ACTR10: variants seen among roughly 807,000 people sequenced by gnomAD.
ACTR10 encodes actin related protein 10, also known as actin-related protein 10.
A neutral mutation model predicts 56.2 loss-of-function variants in ACTR10; 43 were observed. That is an observed-to-expected ratio of 0.77 (90% CI 0.60 to 0.99). The LOEUF (loss-of-function observed/expected upper bound fraction) is 0.99, where lower values mean the gene tolerates loss of function less well. Among genes scored for constraint, ACTR10 ranks in the 50% least tolerant of loss-of-function variants. ACTR10 has a pLI of 0.00. For missense variants in ACTR10, 466 were observed against 507.8 expected (o/e 0.92, Z 0.79); for synonymous variants, 170 against 176.3 (o/e 0.96, Z 0.28).
chr14:58,233,647 G>C (rs1420817943), intron 12 of ACTR10, among the ~76,000 whole-genome samples: 1 of 152,118 alleles, frequency 6.6e-6, no homozygotes, highest in African/African-American at 2.4e-5. Flanking sequence ...CTGCTTGGGG[G>C]TCCACACCCC....
intron 5 of ACTR10, among the ~76,000 whole-genome samples, chr14:58,212,307 A>C (rs779379997): frequency 6.6e-6 from 1 of 152,366 alleles, no homozygotes; most frequent in South Asian, 2.1e-4. Context: ...CTAATAATTC[A>C]AGCTGTCCCA....
intron 7 of ACTR10, among the ~76,000 whole-genome samples, chr14:58,215,959 A>G (rs897586776): frequency 4.9e-5 from 7 of 143,510 alleles, no homozygotes; most frequent in Non-Finnish European, 1.1e-4. Flanking sequence ...TTCAGATCTC[A>G]TTTTTCTTTC....
At chr14:58,215,102 TC>T (rs755671938) in intron 6 of ACTR10, 102 bp from the exon 7 acceptor site, 2 of 708,608 alleles carry the variant, frequency 2.8e-6, no homozygotes, top group Non-Finnish European at 4.4e-6. Flanking sequence ...TAAGACTGTC[TC>T]CAAAAAAAAA....
chr14:58,214,442 T>G (rs1889080712), intron 6 of ACTR10, among the ~76,000 whole-genome samples: 1 of 151,812 alleles, frequency 6.6e-6, no homozygotes, highest in Non-Finnish European at 1.5e-5. Flanking sequence ...GAGATACAAG[T>G]GCAGGTTTAT....
At chr14:58,203,105 C>T (rs2051745686) in intron 2 of ACTR10, among the ~76,000 whole-genome samples, 178 bp downstream of exon 2, 1 of 151,948 alleles carries the variant, frequency 6.6e-6, no homozygotes, top group African/African-American at 2.4e-5. Flanking sequence ...AGTTTGAGAC[C>T]AGCCTGGACA....
rs778534247 is a variant in ACTR10 at position 58,211,377 on chromosome 14, A to T, written c.428A>T (p.Tyr143Phe). Residue 143 changes from tyrosine (Y) to phenylalanine (F), a missense_variant, in exon 5 of 13, where the codon TAT becomes TTT. Tyr to Phe is a conservative substitution (Grantham distance 22). Transcript: ENST00000254286. Reference sequence around the variant, plus strand: ...TCTGCCATGGTCCTAGATTGTGGATATAGGGAAAGCCTGGTGTTACCCATA... The same window carrying T: ...TCTGCCATGGTCCTAGATTGTGGATTTAGGGAAAGCCTGGTGTTACCCATA... ...INSAMVLDCG[Y>F]RESLVLPIYE... 4.3e-6 allele frequency: 7 copies of T among 1,613,528 alleles called. No individual in the cohort carries two copies. Among genetic ancestry groups the T allele is most frequent in the Non-Finnish European group, 5.9e-6 (7 of 1,179,566 alleles).
At chr14:58,223,210 C>G (rs1594811884) in intron 8 of ACTR10, among the ~76,000 whole-genome samples, 1 of 152,080 alleles carries the variant, frequency 6.6e-6, no homozygotes, top group African/African-American at 2.4e-5. Flanking sequence ...GATCTCGGCT[C>G]ACTGCAACCT....
intron 5 of ACTR10, among the ~76,000 whole-genome samples, chr14:58,212,623 C>G (rs556143343): frequency 6.6e-6 from 1 of 152,290 alleles, no homozygotes; most frequent in East Asian, 1.9e-4. Context: ...TATTATTATT[C>G]TCCTTATATA....
At chr14:58,222,926 T>G (rs897780998) in intron 8 of ACTR10, among the ~76,000 whole-genome samples, 2 of 152,152 alleles carry the variant, frequency 1.3e-5, no homozygotes, top group African/African-American at 2.4e-5. Flanking sequence ...AAATCTGGTT[T>G]AAAGAAATAT....
chr14:58,230,587 T>C, intron 11 of ACTR10, 107 bp downstream of exon 11: 1 of 468,940 alleles, frequency 2.1e-6, no homozygotes, highest in East Asian at 3.5e-5. Context: ...TTATTTTTAA[T>C]ATGTGTCAAC....
chr14:58,202,002 CAA>C (rs11460483), intron 1 of ACTR10, among the ~76,000 whole-genome samples: 30 of 99,060 alleles, frequency 3.0e-4, no homozygotes, highest in African/African-American at 5.6e-4. Context: ...GACCCTGCCT[CAA>C]AAAAAAAAAA....
rs914733974 is a variant in ACTR10, at chr14:58,232,415, T to C, written c.1072+148T>C. ...AACACTGACTTTTTCTTTTTTTTTT[T>C]TTTTTTTTTTTTTTTTGAGACGGAG... On this transcript the variant is annotated intron_variant, in intron 12 of 12. Transcript: ENST00000254286. 2.0e-5 allele frequency: 11 copies of C among 555,234 alleles called. No individual in the cohort carries two copies. In the South Asian group the frequency reaches 2.5e-4, roughly 13 times the overall value. The allele number at this position is 555,234 out of a possible 1,614,324, so 34.4% of individuals were successfully genotyped here.
At chr14:58,204,259 T>C (rs1283500570) in intron 2 of ACTR10, among the ~76,000 whole-genome samples, 1 of 149,818 alleles carries the variant, frequency 6.7e-6, no homozygotes, top group Non-Finnish European at 1.5e-5. Flanking sequence ...TGGCAGGCAC[T>C]GGTATTCCCA....
intron 2 of ACTR10, among the ~76,000 whole-genome samples, chr14:58,206,561 T>C (rs1218792574): frequency 6.6e-6 from 1 of 152,214 alleles, no homozygotes; most frequent in Non-Finnish European, 1.5e-5. Context: ...GAATCTTCTT[T>C]AAGCCACATA....
intron 10 of ACTR10, among the ~76,000 whole-genome samples, chr14:58,227,595 CTT>C (rs1889433949): frequency 6.6e-6 from 1 of 152,268 alleles, no homozygotes; most frequent in African/African-American, 2.4e-5. Flanking sequence ...AAGAGTGACT[CTT>C]TGTAAGCATG....
At position 58,200,185 on chromosome 14, in the gene ACTR10, T is replaced by G; in HGVS notation, c.-33T>G. 6.7e-7 allele frequency: 1 copy of G among 1,488,204 alleles called. No homozygotes were observed. Among genetic ancestry groups the G allele is most frequent in the Non-Finnish European group, 9.0e-7 (1 of 1,113,496 alleles). The allele number at this position is 1,488,204 out of a possible 1,614,324, so 92.2% of individuals were successfully genotyped here. On this transcript the variant is annotated 5_prime_UTR_variant, in exon 1 of 13. Coordinates refer to ENST00000254286, the MANE Select transcript of ACTR10 (RefSeq NM_018477.3). ...GCCGAGACTTGTTGGCCGCGGAGAC[T>G]GCGACCCTCTTCTCTCAGTCTGCCT...
chr14:58,208,086 G>A, intron 3 of ACTR10, 68 bp downstream of exon 3: 1 of 1,373,736 alleles, frequency 7.3e-7, no homozygotes, highest in East Asian at 3.4e-5. Context: ...GTGATAATTG[G>A]TTGTGTTACA....
rs193036176 is a variant in ACTR10, at chr14:58,214,149, C to T, written c.518+451C>T. Among the ~76,000 whole-genome samples the T allele has an allele frequency of 5.3e-4, 80 of 152,238 alleles. 1 individual carries two copies. The highest frequency in any genetic ancestry group is 1.1e-3 in the Admixed American group (17 of 15,292). ...TTTTGTACCCATTAATTATCCTCACCTCCCTTGTATCCCTCCACTATCCTC... is the reference window on the plus strand; with the variant it reads ...TTTTGTACCCATTAATTATCCTCACTTCCCTTGTATCCCTCCACTATCCTC... On this transcript the variant is annotated intron_variant, in intron 6 of 12. Coordinates refer to ENST00000254286, the MANE Select transcript of ACTR10 (RefSeq NM_018477.3).
intron 8 of ACTR10, among the ~76,000 whole-genome samples, chr14:58,222,619 G>A (rs1046747147): frequency 6.6e-6 from 1 of 151,994 alleles, no homozygotes; most frequent in African/African-American, 2.4e-5. Context: ...ACAAAAATTA[G>A]CTGGGCATGG....
Sources: gnomAD v4.1 joint callset for allele counts (sites outside exome capture counted in the v4.1 genomes callset) on GRCh38, gnomAD v4.1.1 for gene constraint, MANE v1.5 for transcripts, NCBI Gene and HGNC (gene_info 2026-07-23, HGNC 2026-07-21) for gene names.